Variants in CRIM1 observed in about 807,000 individuals in gnomAD.
CRIM1 encodes cysteine-rich motor neuron 1 protein.
A neutral mutation model predicts 116.4 loss-of-function variants in CRIM1; 32 were observed. That is an observed-to-expected ratio of 0.27 (90% confidence interval 0.21 to 0.37). The LOEUF (loss-of-function observed/expected upper bound fraction) is 0.37. Ranked by LOEUF, CRIM1 falls within the 10% of genes least tolerant of loss-of-function variation. The pLI is 1.00. For missense variants in CRIM1, 1,331 were observed against 1,354.8 expected, an observed-to-expected ratio of 0.98 and a Z score of 0.28; for synonymous variants, 590 against 509.2, an observed-to-expected ratio of 1.16 and a Z score of -2.13.
Position 36,476,881 on chromosome 2 carries a change from CTT to C in CRIM1, c.992-5_992-4del, listed in dbSNP as rs966348194. 7 of 1,604,826 alleles carry C rather than the reference CTT, an allele frequency of 4.4e-6. No homozygotes were observed. Among genetic ancestry groups the C allele is most frequent in the Non-Finnish European group, 6.0e-6 (7 of 1,175,270 alleles). On this transcript the variant is annotated splice_polypyrimidine_tract_variant and splice_region_variant and intron_variant, in intron 5 of 16. Transcript: ENST00000280527. ...CAAATATGCCTTGTTTGTTTTAACT[CTT>C]TTCAGATACAAAGCCAGCCTGCGTA...
intron 8 of CRIM1, among the ~76,000 whole-genome samples, chr2:36,506,000 A>G (rs1281752913): frequency 6.6e-6 from 1 of 152,054 alleles, no homozygotes; most frequent in Non-Finnish European, 1.5e-5. Context: ...AAGAATTTGT[A>G]TTTATTCACT....
At chr2:36,432,099 AAATTTAGTTCATTT>A (rs977557997) in intron 2 of CRIM1, among the ~76,000 whole-genome samples, 2 of 152,316 alleles carry the variant, frequency 1.3e-5, no homozygotes, top group African/African-American at 4.8e-5. Context: ...CTGGCTATAC[AAATTTAGTTCATTT>A]AATTTACCTC....
intron 1 of CRIM1, among the ~76,000 whole-genome samples, chr2:36,357,533 C>G (rs1414199571): frequency 6.6e-6 from 1 of 152,126 alleles, no homozygotes; most frequent in Non-Finnish European, 1.5e-5. Flanking sequence ...TGCGTGTTGG[C>G]TTTAATCCCT....
In CRIM1 at chr2:36,549,888, G is replaced by A. The variant is rs973090759; in HGVS notation, c.*1187G>A. On this transcript the variant is annotated 3_prime_UTR_variant, in exon 17 of 17. Coordinates refer to ENST00000280527, the MANE Select transcript of CRIM1 (RefSeq NM_016441.3). ...ATACACATACAATTTATGTTTTCCT[G>A]TTGAATGTATTTTTATGAGATTTTA... is the stretch of plus-strand genomic sequence containing the variant. 3.9e-5 allele frequency: 6 copies of A among 152,062 alleles called. No individual in the cohort carries two copies. The highest frequency in any genetic ancestry group is 8.8e-5 in the Non-Finnish European group (6 of 67,930). 9.4% of individuals were successfully genotyped at this position (152,062 alleles called of 1,614,324 possible).
At position 36,510,011 on chromosome 2, in the gene CRIM1, A is replaced by C. The variant is rs776372225; in HGVS notation, c.1530A>C (p.Gln510His). The C allele has an allele frequency of 4.3e-5, 69 of 1,614,014 alleles. No homozygotes were observed. The highest frequency in any genetic ancestry group is 5.3e-5 in the African/African-American group (4 of 74,920). Reference protein sequence around the residue: ...NTEELCSERKQGCTLNCPFGF... With the variant: ...NTEELCSERKHGCTLNCPFGF... ...AGGAACTATGTTCAGAACGTAAACA[A>C]GGCTGCACCTTGAACTGTCCCTTCG... is the stretch of plus-strand genomic sequence containing the variant. The change falls in exon 9 of 17, where the codon CAA becomes CAC. Residue 510 changes from glutamine to histidine, a missense_variant. Physicochemically the swap from Gln to His is conservative, Grantham distance 24. Around this residue, in one of 3 missense-constraint regions of CRIM1, gnomAD observed 358 missense variants for 436.1 expected, o/e 0.82. Transcript: ENST00000280527.
chr2:36,483,193 T>C (rs919905610), intron 7 of CRIM1, among the ~76,000 whole-genome samples: 1 of 152,246 alleles, frequency 6.6e-6, no homozygotes, highest in Non-Finnish European at 1.5e-5. Context: ...TTATTTTTAT[T>C]TTCTGACCCC....
intron 2 of CRIM1, among the ~76,000 whole-genome samples, chr2:36,439,771 G>A (rs963524027): frequency 3.9e-5 from 6 of 152,044 alleles, no homozygotes; most frequent in African/African-American, 1.5e-4. Flanking sequence ...CTCTTACTCT[G>A]TTCTTGTTTT....
chr2:36,511,807 C>A (rs1368257672), intron 9 of CRIM1, among the ~76,000 whole-genome samples: 1 of 118,922 alleles, frequency 8.4e-6, no homozygotes, highest in Non-Finnish European at 1.6e-5. Flanking sequence ...TACCTGCTGA[C>A]TAAAGAATTA....
chr2:36,381,801 A>G (rs1003306895), intron 1 of CRIM1, among the ~76,000 whole-genome samples: 1 of 152,170 alleles, frequency 6.6e-6, no homozygotes. Context: ...AAAACCTTCC[A>G]TGCCATTTTT....
intron 1 of CRIM1, among the ~76,000 whole-genome samples, chr2:36,360,842 T>C (rs1669180082): frequency 1.3e-5 from 2 of 152,180 alleles, no homozygotes. Context: ...AAATATCAGC[T>C]TCTATAGTTA....
chr2:36,429,890 A>G lies in CRIM1; in HGVS notation c.506-11368A>G, dbSNP rs184217245. ...GTGGTAGTTACAAGGGTGTACCCTG[A>G]TGGGAGTCCTGGGATCAAAAAGACT... On this transcript the variant is annotated intron_variant, in intron 2 of 16. Coordinates refer to ENST00000280527, the MANE Select transcript of CRIM1 (RefSeq NM_016441.3). 2.6e-3 allele frequency among the ~76,000 whole-genome samples: 394 copies of G among 152,334 alleles called. 1 individual carries two copies. The highest frequency in any genetic ancestry group is 6.8e-3 in the Middle Eastern group (2 of 294).
At chr2:36,397,868 A>T (rs1209659883) in intron 2 of CRIM1, among the ~76,000 whole-genome samples, 1 of 152,202 alleles carries the variant, frequency 6.6e-6, no homozygotes, top group African/African-American at 2.4e-5. Context: ...ATCCTAGAGA[A>T]CATTTAGTCC....
intron 1 of CRIM1, among the ~76,000 whole-genome samples, chr2:36,393,305 T>C (rs1671761662): frequency 6.6e-6 from 1 of 152,148 alleles, no homozygotes; most frequent in African/African-American, 2.4e-5. Context: ...GCTTTTAAAA[T>C]AGGATTTGTA....
intron 11 of CRIM1, among the ~76,000 whole-genome samples, chr2:36,514,146 C>T (rs1664882914): frequency 6.6e-6 from 1 of 152,148 alleles, no homozygotes; most frequent in Non-Finnish European, 1.5e-5. Flanking sequence ...AGTTTTATCC[C>T]ATAAAACCTT....
chr2:36,446,723 G>A (rs1227746508), intron 4 of CRIM1, among the ~76,000 whole-genome samples: 1 of 151,414 alleles, frequency 6.6e-6, no homozygotes, highest in Non-Finnish European at 1.5e-5. Flanking sequence ...GACATGATAT[G>A]AGTTATATGG....
intron 2 of CRIM1, among the ~76,000 whole-genome samples, chr2:36,431,895 T>A (rs1019228203): frequency 6.6e-6 from 1 of 152,208 alleles, no homozygotes; most frequent in African/African-American, 2.4e-5. Flanking sequence ...TTGCTGTCAT[T>A]GTTGCACAAA....
intron 7 of CRIM1, among the ~76,000 whole-genome samples, chr2:36,491,285 C>T (rs141951610): frequency 1.3e-4 from 20 of 152,182 alleles, no homozygotes; most frequent in East Asian, 5.8e-4. Flanking sequence ...CTCAGGAAAC[C>T]GAGTGTCATC....
chr2:36,543,551 C>G (rs2125185849), intron 14 of CRIM1, among the ~76,000 whole-genome samples: 1 of 152,258 alleles, frequency 6.6e-6, no homozygotes, highest in East Asian at 1.9e-4. Context: ...GAAATACGTG[C>G]ATGACACAAA....
chr2:36,548,267 C>CTT (rs11318146), intron 16 of CRIM1, among the ~76,000 whole-genome samples: 23,123 of 137,584 alleles, frequency 0.17, 2,079 homozygotes, highest in Middle Eastern at 0.21. Context: ...TTTCACCAGT[C>CTT]TTTTTTTTTT....
Sources: allele counts gnomAD v4.1 joint callset (sites outside exome capture counted in the v4.1 genomes callset), GRCh38; gene constraint gnomAD v4.1.1; regional missense constraint gnomAD v4.1.1; transcripts MANE v1.5; gene names NCBI Gene and HGNC (gene_info 2026-07-23, HGNC 2026-07-21).